Variants in PFKP observed in about 807,000 individuals in gnomAD.
PFKP encodes phosphofructokinase, platelet, also known as ATP-dependent 6-phosphofructokinase, platelet type.
Under a neutral mutation model 94.3 loss-of-function variants are expected in PFKP, and 101 were observed. The ratio of observed to expected loss-of-function variants is 1.07; its 90% CI spans 0.91 to 1.26. PFKP has a LOEUF of 1.26. PFKP is among the 50% of genes most tolerant of loss of function. The pLI is 0.00. For synonymous variants in PFKP, 573 were observed against 432.6 expected (o/e 1.32, Z -4.03); for missense variants, 1,145 against 1,103.3 (o/e 1.04, Z -0.53).
intron 16 of PFKP, among the ~76,000 whole-genome samples, chr10:3,126,428 C>G (rs1837954416): frequency 6.6e-6 from 1 of 152,228 alleles, no homozygotes; most frequent in Admixed American, 6.5e-5. Context: ...CCATCGCTGG[C>G]TTCACTCTCC....
chr10:3,094,280 GC>G (rs1287896270), intron 2 of PFKP, among the ~76,000 whole-genome samples: 4 of 152,226 alleles, frequency 2.6e-5, no homozygotes, highest in Non-Finnish European at 4.4e-5. Context: ...TGCACTCTTA[GC>G]TTTGGCTTAA....
chr10:3,136,612 G>C lies in PFKP; in HGVS notation c.*33G>C, dbSNP rs3816704. 6.2e-7 allele frequency: 1 copy of C among 1,606,192 alleles called. No individual in the cohort carries two copies. The highest frequency in any genetic ancestry group is 1.7e-5 in the Admixed American group (1 of 59,564). ...CCGCCTGCATGTGCCTGCAGCCACC[G>C]TGGACTGTCTGTTTTTGTAACACTT... On this transcript the variant is annotated 3_prime_UTR_variant, in exon 22 of 22. Coordinates refer to ENST00000381125, the MANE Select transcript of PFKP (RefSeq NM_002627.5).
Position 3,068,691 on chromosome 10 carries a change from G to T in PFKP, c.112+984G>T. On this transcript the variant is annotated intron_variant, in intron 1 of 21. Transcript: ENST00000381125. ...CGCCCCAGGCCCCGGGTGCACGTGG[G>T]GGCGCCGGTGCCCGGATGATGGAGT... The T allele has an allele frequency of 5.1e-6, 5 of 985,218 alleles. No homozygotes were observed. The South Asian group carries it at 2.3e-4, about 46-fold the overall frequency. 61.0% of individuals were successfully genotyped at this position (985,218 alleles called of 1,614,324 possible). A position where few individuals can be genotyped will look rare whatever the true frequency, so the allele number is the denominator to read the frequency against.
chr10:3,084,850 C>CCTCCCCAGCACGGTCCCCCACTCCA, intron 2 of PFKP, among the ~76,000 whole-genome samples: 48 of 145,752 alleles, frequency 3.3e-4, no homozygotes, highest in African/African-American at 1.2e-3. Context: ...TCCTCCACCC[C>CCTCCCCAGCACGGTCCCCCACTCCA]CTCCCCAGCA....
chr10:3,099,490 T>C lies in PFKP; in HGVS notation c.264+138T>C, dbSNP rs148599179. ...AGAACAGACTTTGTGAGCAGCTCTT[T>C]ACTTGTGGTTTGATTTTTAGAAATG... On this transcript the variant is annotated intron_variant, in intron 3 of 21. Coordinates refer to ENST00000381125, the MANE Select transcript of PFKP (RefSeq NM_002627.5). 5.0e-4 allele frequency: 349 copies of C among 693,820 alleles called. 3 individuals carry two copies. The African/African-American group carries it at 5.5e-3, about 11-fold the overall frequency. 43.0% of individuals were successfully genotyped at this position (693,820 alleles called of 1,614,324 possible).
At position 3,123,625 on chromosome 10, in the gene PFKP, C is replaced by A. The variant is rs184681378; in HGVS notation, c.1683+3581C>A. Among the ~76,000 whole-genome samples the A allele has an allele frequency of 3.3e-3, 498 of 152,348 alleles. 2 individuals carry two copies. Among genetic ancestry groups the A allele is most frequent in the Non-Finnish European group, 4.7e-3 (323 of 68,034 alleles). On this transcript the variant is annotated intron_variant, in intron 16 of 21. Transcript: ENST00000381125. ...TCTCGGAGAAACAGCCGGCTCCCCA[C>A]AGCCAGTCTTGGTCAGTCCTGAGCT...
chr10:3,080,346 T>G lies in PFKP; in HGVS notation c.113-2042T>G, dbSNP rs1215499799. Among the ~76,000 whole-genome samples, 4 of 151,550 alleles carry G rather than the reference T, an allele frequency of 2.6e-5. No individual in the cohort carries two copies. The South Asian group carries it at 8.3e-4, about 32-fold the overall frequency. On this transcript the variant is annotated intron_variant, in intron 1 of 21. Transcript: ENST00000381125. ...TCCTGGCTAACACGGTGAAACCCCG[T>G]CTCTACTAAAAATACAAAAAATTAG...
In PFKP at chr10:3,115,286, GAGGACAGGAC is replaced by G. The variant is rs1464986281; in HGVS notation, c.1372-1489_1372-1480del. On this transcript the variant is annotated intron_variant, in intron 13 of 21. Coordinates refer to ENST00000381125, the MANE Select transcript of PFKP (RefSeq NM_002627.5). ...GGGTGAAAGTGTGTGTCCCACGGCG[GAGGACAGGAC>G]TGGGGATGCTGGGGTGAAAGTGTGT... Among the ~76,000 whole-genome samples, 82 of 149,974 alleles carry G rather than the reference GAGGACAGGAC, an allele frequency of 5.5e-4. 4 individuals carry two copies. Among genetic ancestry groups the G allele is most frequent in the Middle Eastern group, 3.4e-3 (1 of 290 alleles).
chr10:3,072,000 C>T (rs1332930068), intron 1 of PFKP, among the ~76,000 whole-genome samples: 3 of 152,194 alleles, frequency 2.0e-5, no homozygotes, highest in African/African-American at 4.8e-5. Context: ...CAGGGCTGCG[C>T]GTACCTGCGT....
chr10:3,077,269 T>TTTC (rs1278408032), intron 1 of PFKP, among the ~76,000 whole-genome samples: 5 of 131,200 alleles, frequency 3.8e-5, no homozygotes, highest in African/African-American at 1.4e-4. Context: ...TTCTTTTTTT[T>TTTC]TTTTTTTTTT....
At chr10:3,135,164 C>T (rs1378728281) in intron 20 of PFKP, among the ~76,000 whole-genome samples, 1 of 152,126 alleles carries the variant, frequency 6.6e-6, no homozygotes, top group African/African-American at 2.4e-5. Flanking sequence ...TCCTGAGTGG[C>T]TCTTTGTGCC....
At position 3,096,946 on chromosome 10, in the gene PFKP, C is replaced by T. The variant is rs1244931350; in HGVS notation, c.187-2329C>T. ...ACAAAAAATTAGCCGGGCGTGGTGG[C>T]GGGTGCCTGTAGTCCCAGCTACTAA... On this transcript the variant is annotated intron_variant, in intron 2 of 21. Coordinates refer to ENST00000381125, the MANE Select transcript of PFKP (RefSeq NM_002627.5). Among the ~76,000 whole-genome samples the T allele has an allele frequency of 2.5e-5, 3 of 121,942 alleles. 1 individual carries two copies. The highest frequency in any genetic ancestry group is 9.6e-5 in the African/African-American group (3 of 31,322). 80.0% of individuals were successfully genotyped at this position (121,942 alleles called of 152,430 possible).
Position 3,115,285 on chromosome 10 carries a change from G to A in PFKP, c.1372-1491G>A, listed in dbSNP as rs7893663. ...GGGGTGAAAGTGTGTGTCCCACGGCGGAGGACAGGACTGGGGATGCTGGGG... is the reference window on the plus strand; with the variant it reads ...GGGGTGAAAGTGTGTGTCCCACGGCAGAGGACAGGACTGGGGATGCTGGGG... On this transcript the variant is annotated intron_variant, in intron 13 of 21. Coordinates refer to ENST00000381125, the MANE Select transcript of PFKP (RefSeq NM_002627.5). Among the ~76,000 whole-genome samples the A allele has an allele frequency of 6.9e-5, 10 of 144,938 alleles. 1 individual carries two copies. Among genetic ancestry groups the A allele is most frequent in the South Asian group, 2.2e-4 (1 of 4,506 alleles).
chr10:3,078,751 G>T (rs1475291126), intron 1 of PFKP, among the ~76,000 whole-genome samples: 1 of 152,162 alleles, frequency 6.6e-6, no homozygotes, highest in African/African-American at 2.4e-5. Context: ...AGCTCTGCAG[G>T]CTTCCTGTGA....
rs1451433303 is a variant in PFKP, at chr10:3,071,442, T to TG, written c.112+3735_112+3736insG. Among the ~76,000 whole-genome samples, 691 of 110,888 alleles carry TG rather than the reference T, an allele frequency of 6.2e-3. 1 individual carries two copies. Among genetic ancestry groups the TG allele is most frequent in the Non-Finnish European group, 9.3e-3 (415 of 44,496 alleles). The allele number at this position is 110,888 out of a possible 152,430, so 72.7% of individuals were successfully genotyped here. A position where few individuals can be genotyped will look rare whatever the true frequency, so the allele number is the denominator to read the frequency against. On this transcript the variant is annotated intron_variant, in intron 1 of 21. Transcript: ENST00000381125. ...GTCTCAGGCTGTTTTTTTTTTTTTT[T>TG]TTTTTTTCTTTCTCTTCTTCTGCCT...
At chr10:3,099,397 C>G (rs1834769687) in intron 3 of PFKP, 45 bp downstream of exon 3, 2 of 1,424,124 alleles carry the variant, frequency 1.4e-6, no homozygotes, top group South Asian at 1.2e-5. Flanking sequence ...GTTAGAGACT[C>G]TTTTATGTCT....
chr10:3,104,466 C>T (rs1049568641), intron 5 of PFKP, among the ~76,000 whole-genome samples: 1 of 152,228 alleles, frequency 6.6e-6, no homozygotes, highest in South Asian at 2.1e-4. Flanking sequence ...GAATAAGTGT[C>T]TCCCCTTTAA....
intron 3 of PFKP, chr10:3,100,917 G>C: frequency 6.3e-7 from 1 of 1,575,946 alleles, no homozygotes; most frequent in Non-Finnish European, 8.7e-7. Flanking sequence ...GGTTTTACTT[G>C]CAGGTGCTGT....
In PFKP at chr10:3,103,897, G is replaced by A. The variant is rs764892058; in HGVS notation, c.573G>A (p.Leu191=). 8.7e-6 allele frequency: 14 copies of A among 1,613,960 alleles called. No homozygotes were observed. The highest frequency in any genetic ancestry group is 1.2e-5 in the Non-Finnish European group (14 of 1,180,038). The change falls in exon 5 of 22, where the codon CTG becomes CTA. Residue 191 remains leucine, a synonymous_variant. Coordinates refer to ENST00000381125, the MANE Select transcript of PFKP (RefSeq NM_002627.5). ...TDMTIGTDSA[L]HRIIEVVDAI... is the part of the protein sequence containing the mutation. Reference sequence around the variant, plus strand: ...TGACCATCGGCACGGACTCCGCCCTGCACAGGATCATCGAGGTCGTCGACG... The same window carrying A: ...TGACCATCGGCACGGACTCCGCCCTACACAGGATCATCGAGGTCGTCGACG...
Sources: gnomAD v4.1 joint callset for allele counts (sites outside exome capture counted in the v4.1 genomes callset) on GRCh38, gnomAD v4.1.1 for gene constraint, MANE v1.5 for transcripts, NCBI Gene and HGNC (gene_info 2026-07-23, HGNC 2026-07-21) for gene names.